DMD: variants seen among roughly 807,000 people sequenced by gnomAD.
DMD encodes mutant dystrophin.
Under a neutral mutation model 330.1 loss-of-function variants are expected in DMD, and 63 were observed. The ratio of observed to expected loss-of-function variants is 0.19; its 90% CI spans 0.16 to 0.24. The LOEUF (loss-of-function observed/expected upper bound fraction) is 0.24. DMD is among the 10% of genes least tolerant of loss of function. DMD has a pLI of 1.00. For synonymous variants in DMD, 1,223 were observed against 959.8 expected (o/e 1.27, Z -5.07); for missense variants, 3,344 against 2,684.1 (o/e 1.25, Z -5.43).
intron 1 of DMD, among the ~76,000 whole-genome samples, chrX:33,156,530 C>G (rs904772897): frequency 1.7e-4 from 19 of 111,951 alleles, no homozygotes; most frequent in African/African-American, 5.2e-4. Flanking sequence ...ATTTAACCTT[C>G]ACCATGGCAG....
chrX:32,527,406 C>T (rs186423817), intron 17 of DMD, among the ~76,000 whole-genome samples: 9 of 111,117 alleles, frequency 8.1e-5, no homozygotes, highest in Admixed American at 6.7e-4. Flanking sequence ...ACTATACAGG[C>T]ACTTTCCTGA....
At chrX:32,176,442 CT>C (rs1485561996) in intron 44 of DMD, among the ~76,000 whole-genome samples, 1 of 111,875 alleles carries the variant, frequency 8.9e-6, no homozygotes, top group African/African-American at 3.2e-5. Context: ...GAACCTAAAT[CT>C]TCTACCTTCA....
chrX:33,257,558 T>G (rs73459948), intron 1 of DMD, among the ~76,000 whole-genome samples: 521 of 111,388 alleles, frequency 4.7e-3, no homozygotes, highest in African/African-American at 0.016. Flanking sequence ...AGCATCCTTC[T>G]TATTCAATTA....
chrX:32,183,601 T>A (rs2147493065), intron 44 of DMD, among the ~76,000 whole-genome samples: 1 of 104,599 alleles, frequency 9.6e-6, no homozygotes, highest in East Asian at 2.9e-4. Context: ...TATGTATACA[T>A]AGAGAGAATC....
At chrX:33,046,423 A>G (rs1204182619) in intron 1 of DMD, among the ~76,000 whole-genome samples, 3 of 111,854 alleles carry the variant, frequency 2.7e-5, no homozygotes, top group Non-Finnish European at 1.9e-5. Flanking sequence ...AGGAATGTAA[A>G]TGTGCTCCCC....
At chrX:33,036,124 A>AAGAGAGAG (rs761957290) in intron 1 of DMD, among the ~76,000 whole-genome samples, 5 of 110,892 alleles carry the variant, frequency 4.5e-5, no homozygotes, top group African/African-American at 1.3e-4. Context: ...AAGTTGAATA[A>AAGAGAGAG]AGAGAGCGAG....
At chrX:33,096,294 G>A (rs1226107024) in intron 1 of DMD, among the ~76,000 whole-genome samples, 4 of 111,178 alleles carry the variant, frequency 3.6e-5, no homozygotes, top group African/African-American at 1.3e-4. Context: ...ATTTTTGGGA[G>A]ATGTAAAATA....
chrX:31,868,908 G>C (rs2093844069), intron 48 of DMD, among the ~76,000 whole-genome samples: 1 of 111,691 alleles, frequency 9.0e-6, no homozygotes, highest in Non-Finnish European at 1.9e-5. Context: ...CATATTTAAT[G>C]CATAGAACTT....
chrX:32,486,061 C>T (rs1248843083), intron 20 of DMD, among the ~76,000 whole-genome samples: 2 of 109,771 alleles, frequency 1.8e-5, no homozygotes, highest in Non-Finnish European at 3.8e-5. Flanking sequence ...TTTTAAATTA[C>T]GGTGGCTGTC....
chrX:32,287,136 T>C (rs2097445165), intron 43 of DMD, among the ~76,000 whole-genome samples: 1 of 111,674 alleles, frequency 9.0e-6, no homozygotes, highest in African/African-American at 3.3e-5. Flanking sequence ...GAAAATCAAT[T>C]TTTTTATTGA....
chrX:32,325,845 C>G (rs1461233950), intron 41 of DMD, among the ~76,000 whole-genome samples: 1 of 104,745 alleles, frequency 9.5e-6, no homozygotes, highest in East Asian at 3.0e-4. Context: ...GCTCTGTTGC[C>G]CAGGCTGGAG....
rs375585737 is a variant in DMD at position 32,360,361 on chromosome X, G to A, written c.5325+2427C>T. On this transcript the variant is annotated intron_variant, in intron 37 of 78. Transcript: ENST00000357033. ...ATTTCTGTGTTTTTCATTTCATCGTGATAATAGAGCATAATTATCTCTTCA... is the reference window on the plus strand; with the variant it reads ...ATTTCTGTGTTTTTCATTTCATCGTAATAATAGAGCATAATTATCTCTTCA... Among the ~76,000 whole-genome samples, 110 of 111,897 alleles carry A rather than the reference G, an allele frequency of 9.8e-4. 1 individual carries two copies. The South Asian group carries it at 0.027, about 27-fold the overall frequency.
intron 60 of DMD, among the ~76,000 whole-genome samples, chrX:31,375,859 G>A (rs1186198846): frequency 1.8e-5 from 2 of 109,079 alleles, no homozygotes; most frequent in Non-Finnish European, 3.9e-5. Flanking sequence ...TTTACATTAT[G>A]TGTTTTTACC....
At chrX:31,843,354 T>G (rs1212863881) in intron 48 of DMD, among the ~76,000 whole-genome samples, 2 of 111,983 alleles carry the variant, frequency 1.8e-5, no homozygotes, top group Non-Finnish European at 3.8e-5. Context: ...TGTTCCCTTT[T>G]CTCTGCAGCC....
chrX:31,947,560 G>C, intron 45 of DMD, among the ~76,000 whole-genome samples: 2 of 112,348 alleles, frequency 1.8e-5, no homozygotes, highest in Middle Eastern at 9.1e-3. Flanking sequence ...GTGCAAAAGC[G>C]ATACACATTT....
chrX:33,161,786 T>G (rs763079738), intron 1 of DMD, among the ~76,000 whole-genome samples: 1 of 112,012 alleles, frequency 8.9e-6, no homozygotes, highest in South Asian at 3.7e-4. Flanking sequence ...TCTCTTTCTC[T>G]TCCTTAGTCA....
At chrX:32,482,225 T>C (rs188048757) in intron 21 of DMD, among the ~76,000 whole-genome samples, 120 of 111,814 alleles carry the variant, frequency 1.1e-3, no homozygotes, top group Admixed American at 4.7e-3. Context: ...TGTTTCTATA[T>C]TCATCTAGCA....
chrX:32,085,629 C>CACATATATATGTATATAT (rs2096430049), intron 44 of DMD, among the ~76,000 whole-genome samples: 2 of 55,042 alleles, frequency 3.6e-5, no homozygotes, highest in African/African-American at 6.8e-5. Flanking sequence ...TATATATATA[C>CACATATATATGTATATAT]ACATATATAC....
chrX:31,925,165 A>T (rs778011854), intron 47 of DMD, among the ~76,000 whole-genome samples: 6 of 112,103 alleles, frequency 5.4e-5, no homozygotes, highest in Non-Finnish European at 7.5e-5. Flanking sequence ...GCAAAAACTC[A>T]TATAGTTTTT....
Sources: allele counts gnomAD v4.1 joint callset (sites outside exome capture counted in the v4.1 genomes callset), GRCh38; gene constraint gnomAD v4.1.1; transcripts MANE v1.5; gene names NCBI Gene and HGNC (gene_info 2026-07-23, HGNC 2026-07-21).